The following ARHGAP39 variants were observed in gnomAD, a reference collection of about 807,000 sequenced individuals.
ARHGAP39 encodes Rho GTPase activating protein 39, also known as rho GTPase-activating protein 39.
In ARHGAP39, 44 loss-of-function variants were observed where a neutral mutation model predicts 106.9. The observed-to-expected ratio is 0.41, with a 90% CI of 0.32 to 0.53. The LOEUF (loss-of-function observed/expected upper bound fraction) is 0.53. Ranked by LOEUF, ARHGAP39 falls within the 20% of genes least tolerant of loss-of-function variation. The probability of loss-of-function intolerance (pLI) is 0.21; values close to 1 mark genes in which losing one functional copy is unlikely to be tolerated. For missense variants in ARHGAP39, 1,496 were observed against 1,577.3 expected (o/e 0.95, Z 0.87); for synonymous variants, 768 against 693.2 (o/e 1.11, Z -1.69).
rs1211973357 is a variant in ARHGAP39, at chr8:144,530,630, G to A, written c.3151-14C>T. The A allele has an allele frequency of 1.9e-6, 3 of 1,573,664 alleles. No homozygotes were observed. The highest frequency in any genetic ancestry group is 2.6e-6 in the Non-Finnish European group (3 of 1,157,622). Reference sequence around the variant, plus strand: ...CTGCACGAAGACCTGGTGGAGGAGCGAGGGTGGGCGCGGAGGGGCGGGGGC... The same window carrying A: ...CTGCACGAAGACCTGGTGGAGGAGCAAGGGTGGGCGCGGAGGGGCGGGGGC... On this transcript the variant is annotated splice_polypyrimidine_tract_variant and intron_variant, in intron 11 of 11. Coordinates refer to ENST00000377307, the MANE Select transcript of ARHGAP39 (RefSeq NM_025251.3).
Position 144,611,159 on chromosome 8 carries a change from C to T in ARHGAP39, c.-81-5464G>A, listed in dbSNP as rs916124954. 5.3e-5 allele frequency among the ~76,000 whole-genome samples: 8 copies of T among 152,356 alleles called. No homozygotes were observed. The East Asian group carries it at 1.5e-3, about 29-fold the overall frequency. On this transcript the variant is annotated intron_variant, in intron 1 of 11. Coordinates refer to ENST00000377307, the MANE Select transcript of ARHGAP39 (RefSeq NM_025251.3). ...ACCTTTCTTTTGATTTCTTCTTTGA[C>T]TAATGGAACATATACTCAGTAACTA...
chr8:144,536,255 A>G (rs962076812), intron 7 of ARHGAP39, among the ~76,000 whole-genome samples: 1 of 152,042 alleles, frequency 6.6e-6, no homozygotes, highest in African/African-American at 2.4e-5. Context: ...CAGCTCTCCT[A>G]AGGCCTGTGC....
At chr8:144,664,325 T>C (rs1821906626) in intron 1 of ARHGAP39, among the ~76,000 whole-genome samples, 1 of 152,160 alleles carries the variant, frequency 6.6e-6, no homozygotes, top group Non-Finnish European at 1.5e-5. Flanking sequence ...GCCAGCAGGA[T>C]CCTTTTAAAA....
chr8:144,639,325 CAA>C (rs1320599462), intron 1 of ARHGAP39, among the ~76,000 whole-genome samples: 21 of 64,868 alleles, frequency 3.2e-4, no homozygotes, highest in Non-Finnish European at 3.4e-4. Flanking sequence ...GATGCTGTCT[CAA>C]AAAAAAAAAA....
rs771247754 is a variant in ARHGAP39, at chr8:144,545,745, G to C, written c.2025C>G (p.Ser675Arg). ...TGAAAGTGGGGAAGACGCAGCTGGA[G>C]CTGGGAACGCCGCTGCGGCTCTGCC... is the stretch of plus-strand genomic sequence containing the variant. ...SSRQSRSGVP[S>R]SSCVFPTFTL... Residue 675 changes from serine to arginine, a missense_variant, in exon 6 of 12, where the codon AGC becomes AGG. Physicochemically the swap from Ser to Arg is moderately radical, Grantham distance 110. Coordinates refer to ENST00000377307, the MANE Select transcript of ARHGAP39 (RefSeq NM_025251.3). 1 of 1,610,574 alleles carries C rather than the reference G, an allele frequency of 6.2e-7. No individual in the cohort carries two copies. The highest frequency in any genetic ancestry group is 2.2e-5 in the East Asian group (1 of 44,822).
chr8:144,605,665 C>T lies in ARHGAP39; in HGVS notation c.-51G>A, dbSNP rs768853919. On this transcript the variant is annotated 5_prime_UTR_variant, in exon 2 of 12. The change creates a new upstream start codon in the 5' untranslated region. Transcript: ENST00000377307. ...GACAGACGTCAGGGCACCATACGCA[C>T]AACGCCAGCATCAGACGGGAAGGTG... The T allele has an allele frequency of 6.3e-7, 1 of 1,579,850 alleles. No individual in the cohort carries two copies. The highest frequency in any genetic ancestry group is 1.1e-5 in the South Asian group (1 of 90,452).
intron 6 of ARHGAP39, among the ~76,000 whole-genome samples, chr8:144,542,106 C>T (rs532009311): frequency 2.4e-4 from 37 of 152,118 alleles, no homozygotes; most frequent in Non-Finnish European, 5.3e-4. Context: ...CATGAAGAAG[C>T]GAGCAGTGAA....
At chr8:144,541,248 T>A (rs1817179861) in intron 6 of ARHGAP39, among the ~76,000 whole-genome samples, 1 of 152,246 alleles carries the variant, frequency 6.6e-6, no homozygotes, top group Non-Finnish European at 1.5e-5. Context: ...CTTCTAAGGG[T>A]TTGCTGCCTG....
At chr8:144,572,947 C>T (rs910139315) in intron 3 of ARHGAP39, among the ~76,000 whole-genome samples, 2 of 152,140 alleles carry the variant, frequency 1.3e-5, no homozygotes, top group East Asian at 1.9e-4. Context: ...GTTAGAATGG[C>T]GATCATTAAA....
intron 1 of ARHGAP39, among the ~76,000 whole-genome samples, chr8:144,675,777 T>C (rs980231667): frequency 2.6e-5 from 4 of 152,128 alleles, no homozygotes; most frequent in Non-Finnish European, 5.9e-5. Context: ...GTGGTCTCGC[T>C]GGCCTCAGGA....
At chr8:144,683,435 C>T (rs1279966142) in intron 1 of ARHGAP39, 1 of 150,562 alleles carries the variant, frequency 6.6e-6, no homozygotes, top group African/African-American at 2.4e-5. Context: ...GCAAGCTCCG[C>T]CTCCTGGGTT....
In ARHGAP39 at chr8:144,605,616, G is replaced by A. The variant is rs755820159; in HGVS notation, c.-2C>T. The stretch of plus-strand genomic sequence containing the variant: ...CTCGTAGTCCTGCGTCTGGGACATC[G>A]CTGTTTGCTTCCGCGCCCACGTGGA... On this transcript the variant is annotated 5_prime_UTR_variant, in exon 2 of 12. Transcript: ENST00000377307. 10 of 1,612,808 alleles carry A rather than the reference G, an allele frequency of 6.2e-6. No individual in the cohort carries two copies. The highest frequency in any genetic ancestry group is 4.0e-5 in the African/African-American group (3 of 74,932).
At chr8:144,608,425 C>CT (rs1171934206) in intron 1 of ARHGAP39, among the ~76,000 whole-genome samples, 3 of 152,168 alleles carry the variant, frequency 2.0e-5, no homozygotes, top group African/African-American at 7.2e-5. Context: ...CACTGACCTC[C>CT]TTGTCCTCTT....
intron 6 of ARHGAP39, among the ~76,000 whole-genome samples, chr8:144,541,040 T>C (rs1817170403): frequency 6.6e-6 from 1 of 152,126 alleles, no homozygotes. Flanking sequence ...TTAGTAAAGA[T>C]GGGGTTTCAC....
intron 1 of ARHGAP39, among the ~76,000 whole-genome samples, chr8:144,610,950 G>A (rs1054948366): frequency 2.3e-4 from 35 of 151,974 alleles, no homozygotes; most frequent in Admixed American, 1.4e-3. Flanking sequence ...CCCAGTAGCT[G>A]GGATTACAGG....
intron 1 of ARHGAP39, among the ~76,000 whole-genome samples, chr8:144,614,112 TG>T (rs1185175679): frequency 6.6e-6 from 1 of 152,246 alleles, no homozygotes; most frequent in Non-Finnish European, 1.5e-5. Flanking sequence ...AATACTTCCA[TG>T]TCTCTACTTA....
At chr8:144,603,335 G>T (rs1165964201) in intron 2 of ARHGAP39, among the ~76,000 whole-genome samples, 1 of 152,050 alleles carries the variant, frequency 6.6e-6, no homozygotes, top group African/African-American at 2.4e-5. Context: ...CTGCATGTGT[G>T]GAGGCATGTG....
intron 1 of ARHGAP39, among the ~76,000 whole-genome samples, chr8:144,620,641 C>A (rs1013130207): frequency 1.1e-4 from 16 of 152,222 alleles, no homozygotes; most frequent in African/African-American, 3.9e-4. Context: ...CTCAAGCAGC[C>A]CTGCCATCTG....
chr8:144,570,643 G>A (rs1385842491), intron 3 of ARHGAP39, among the ~76,000 whole-genome samples: 1 of 152,202 alleles, frequency 6.6e-6, no homozygotes, highest in African/African-American at 2.4e-5. Context: ...AACAAATTCT[G>A]CTATTCTAGG....
Sources: gnomAD v4.1 joint callset for allele counts (sites outside exome capture counted in the v4.1 genomes callset) on GRCh38, gnomAD v4.1.1 for gene constraint, MANE v1.5 for transcripts, NCBI Gene and HGNC (gene_info 2026-07-23, HGNC 2026-07-21) for gene names.